Variants in ANKS4B observed in about 807,000 individuals in gnomAD.
ANKS4B encodes ankyrin repeat and sterile alpha motif domain containing 4B, also known as ankyrin repeat and SAM domain-containing protein 4B.
ANKS4B carries 21 observed loss-of-function variants against 20.2 expected under a neutral mutation model. The ratio of observed to expected loss-of-function variants is 1.04; its 90% CI spans 0.74 to 1.50. ANKS4B has a LOEUF of 1.50. Among genes scored for constraint, ANKS4B ranks in the 40% most tolerant of loss-of-function variants. The pLI, the probability that ANKS4B is intolerant of heterozygous loss-of-function variation, is 0.00. For synonymous variants in ANKS4B, 179 were observed against 194.5 expected, an observed-to-expected ratio of 0.92 and a Z score of 0.66; for missense variants, 473 against 494.6, an observed-to-expected ratio of 0.96 and a Z score of 0.41.
intron 1 of ANKS4B, among the ~76,000 whole-genome samples, chr16:21,249,357 T>A (rs780169534): frequency 6.6e-6 from 1 of 152,200 alleles, no homozygotes; most frequent in Non-Finnish European, 1.5e-5. Flanking sequence ...ATGCCTGTAG[T>A]CTCAGCTACT....
intron 1 of ANKS4B, among the ~76,000 whole-genome samples, chr16:21,243,161 T>A (rs1425366469): frequency 6.6e-6 from 1 of 152,190 alleles, no homozygotes; most frequent in Non-Finnish European, 1.5e-5. Flanking sequence ...TAACAGATGC[T>A]CAGGGTAATT....
intron 1 of ANKS4B, among the ~76,000 whole-genome samples, chr16:21,234,675 A>G (rs2093318128): frequency 6.6e-6 from 1 of 152,130 alleles, no homozygotes; most frequent in Non-Finnish European, 1.5e-5. Flanking sequence ...AAGTGAATCC[A>G]ATTGAATACC....
intron 1 of ANKS4B, among the ~76,000 whole-genome samples, chr16:21,241,304 C>T (rs2093326253): frequency 6.6e-6 from 1 of 152,128 alleles, no homozygotes; most frequent in East Asian, 1.9e-4. Context: ...AGCTCTCACT[C>T]ATAAGTAAGA....
Position 21,249,766 on chromosome 16 carries a change from C to G in ANKS4B, c.200C>G (p.Thr67Ser). 6.2e-7 allele frequency: 1 copy of G among 1,614,046 alleles called. No homozygotes were observed. Among genetic ancestry groups the G allele is most frequent in the African/African-American group, 1.3e-5 (1 of 75,026 alleles). Reference protein sequence around the residue: ...DPDRCDIWGNTPLHFAASNGH... With the variant: ...DPDRCDIWGNSPLHFAASNGH... ...GATAGGTGTGACATCTGGGGAAACACTCCTCTACATTTTGCAGCCTCCAAT... is the reference window on the plus strand; with the variant it reads ...GATAGGTGTGACATCTGGGGAAACAGTCCTCTACATTTTGCAGCCTCCAAT... The change falls in exon 2 of 2, where the codon ACT (threonine) becomes AGT (serine). Residue 67 changes from threonine to serine, a missense_variant. Physicochemically the swap from Thr to Ser is moderately conservative, Grantham distance 58. Coordinates refer to ENST00000311620, the MANE Select transcript of ANKS4B (RefSeq NM_145865.3).
At chr16:21,239,118 T>A (rs2093323482) in intron 1 of ANKS4B, among the ~76,000 whole-genome samples, 1 of 152,128 alleles carries the variant, frequency 6.6e-6, no homozygotes, top group South Asian at 2.1e-4. Flanking sequence ...CAGATGCTGG[T>A]GAGGTTGAGG....
chr16:21,239,205 C>T (rs1180034607), intron 1 of ANKS4B, among the ~76,000 whole-genome samples: 2 of 152,128 alleles, frequency 1.3e-5, no homozygotes, highest in Non-Finnish European at 2.9e-5. Flanking sequence ...GTGACAATTG[C>T]TCCAAGAGCT....
intron 1 of ANKS4B, among the ~76,000 whole-genome samples, chr16:21,237,864 C>T (rs1439903061): frequency 6.6e-6 from 1 of 152,040 alleles, no homozygotes; most frequent in Non-Finnish European, 1.5e-5. Flanking sequence ...CATGATAGGT[C>T]CAAAATGATA....
Position 21,233,708 on chromosome 16 carries a change from C to T in ANKS4B, c.-30C>T. 6.2e-7 allele frequency: 1 copy of T among 1,609,362 alleles called. No individual in the cohort carries two copies. Among genetic ancestry groups the T allele is most frequent in the Non-Finnish European group, 8.5e-7 (1 of 1,177,408 alleles). Reference sequence around the variant, plus strand: ...CAACACCTTGCTCTGCCTGGAGAGACATCTGGCCAAGTTCTGGTGAGCAGG... The same window carrying T: ...CAACACCTTGCTCTGCCTGGAGAGATATCTGGCCAAGTTCTGGTGAGCAGG... On this transcript the variant is annotated 5_prime_UTR_variant, in exon 1 of 2. Transcript: ENST00000311620.
At chr16:21,249,458 T>C (rs920764414) in intron 1 of ANKS4B, among the ~76,000 whole-genome samples, 4 of 152,064 alleles carry the variant, frequency 2.6e-5, no homozygotes, top group East Asian at 1.9e-4. Context: ...GCCTGGGAGA[T>C]AGAGTGAGAA....
At chr16:21,247,692 C>T (rs1039592702) in intron 1 of ANKS4B, among the ~76,000 whole-genome samples, 3 of 152,184 alleles carry the variant, frequency 2.0e-5, no homozygotes, top group Non-Finnish European at 2.9e-5. Flanking sequence ...AATAGTTACT[C>T]GACTTTTTAT....
intron 1 of ANKS4B, among the ~76,000 whole-genome samples, chr16:21,237,933 G>A (rs554541817): frequency 2.0e-5 from 3 of 152,152 alleles, no homozygotes; most frequent in East Asian, 1.9e-4. Context: ...AAGCCAAGGC[G>A]GGCAGATCAC....
At chr16:21,249,492 A>G (rs2093336064) in intron 1 of ANKS4B, among the ~76,000 whole-genome samples, 1 of 152,168 alleles carries the variant, frequency 6.6e-6, no homozygotes, top group African/African-American at 2.4e-5. Context: ...AAAACAAAGG[A>G]AACAAACAAA....
chr16:21,234,302 T>C (rs1269633050), intron 1 of ANKS4B, among the ~76,000 whole-genome samples: 1 of 152,122 alleles, frequency 6.6e-6, no homozygotes, highest in African/African-American at 2.4e-5. Context: ...TTTTAGTTTT[T>C]TTTTTATCTA....
Position 21,250,218 on chromosome 16 carries a change from C to A in ANKS4B, c.652C>A (p.Gln218Lys), listed in dbSNP as rs753749968. 1.2e-6 allele frequency: 2 copies of A among 1,614,080 alleles called. No individual in the cohort carries two copies. The highest frequency in any genetic ancestry group is 8.5e-7 in the Non-Finnish European group (1 of 1,180,012). ...CAAGAAGAACAAAGATACAGCAGAA[C>A]AGGTGGGGAAGGAAGGCAGAAGTGG... Reference protein sequence around the residue: ...KFKKNKDTAEQVGKEGRSGQR... With the variant: ...KFKKNKDTAEKVGKEGRSGQR... Residue 218 changes from glutamine to lysine, a missense_variant, in exon 2 of 2, where the codon CAG (glutamine) becomes AAG (lysine). Gln to Lys is a moderately conservative substitution (Grantham distance 53). Coordinates refer to ENST00000311620, the MANE Select transcript of ANKS4B (RefSeq NM_145865.3).
Position 21,251,248 on chromosome 16 carries a change from GTTCA to G in ANKS4B, c.*429_*432del. ...GCCTCCCAAGTAGCTGAGACTACAG[GTTCA>G]CACCCCCCACACCTGGCTTATTTTG... is the stretch of plus-strand genomic sequence containing the variant. On this transcript the variant is annotated 3_prime_UTR_variant, in exon 2 of 2. Coordinates refer to ENST00000311620, the MANE Select transcript of ANKS4B (RefSeq NM_145865.3). 4 of 162,414 alleles carry G rather than the reference GTTCA, an allele frequency of 2.5e-5. No individual in the cohort carries two copies. Among genetic ancestry groups the G allele is most frequent in the Admixed American group, 5.7e-5 (1 of 17,566 alleles). 10.1% of individuals were successfully genotyped at this position (162,414 alleles called of 1,614,324 possible).
intron 1 of ANKS4B, among the ~76,000 whole-genome samples, chr16:21,242,091 G>A (rs1303175696): frequency 2.0e-5 from 3 of 152,186 alleles, no homozygotes; most frequent in African/African-American, 7.2e-5. Context: ...TACAATAGAT[G>A]TCTTGTACTT....
At chr16:21,234,830 A>G (rs2093318309) in intron 1 of ANKS4B, among the ~76,000 whole-genome samples, 1 of 151,952 alleles carries the variant, frequency 6.6e-6, no homozygotes, top group Non-Finnish European at 1.5e-5. Context: ...CAAGACATCT[A>G]TGATATTTGT....
rs1555461997 is a variant in ANKS4B, at chr16:21,250,245, C to A, written c.679C>A (p.Gln227Lys). 3 of 1,613,984 alleles carry A rather than the reference C, an allele frequency of 1.9e-6. No homozygotes were observed. Among genetic ancestry groups the A allele is most frequent in the Non-Finnish European group, 2.5e-6 (3 of 1,180,026 alleles). ...EQVGKEGRSG[Q>K]RNVMEVFREE... ...GGTGGGGAAGGAAGGCAGAAGTGGG[C>A]AGAGGAACGTGATGGAAGTGTTCAG... The change falls in exon 2 of 2, where the codon CAG (glutamine) becomes AAG (lysine). Residue 227 changes from glutamine (Q) to lysine (K), a missense_variant. Gln to Lys is a moderately conservative substitution (Grantham distance 53, BLOSUM62 1). Transcript: ENST00000311620.
At chr16:21,235,542 A>G (rs2093319337) in intron 1 of ANKS4B, among the ~76,000 whole-genome samples, 2 of 152,072 alleles carry the variant, frequency 1.3e-5, no homozygotes, top group South Asian at 4.2e-4. Context: ...AGTCGGAGAG[A>G]ATGTTTGGGG....
Sources: gnomAD v4.1 joint callset for allele counts (sites outside exome capture counted in the v4.1 genomes callset) on GRCh38, gnomAD v4.1.1 for gene constraint, MANE v1.5 for transcripts, NCBI Gene and HGNC (gene_info 2026-07-23, HGNC 2026-07-21) for gene names.